The following ATG2A variants were observed in gnomAD, a reference collection of about 807,000 sequenced individuals.
ATG2A encodes autophagy related 2A.
In ATG2A, 103 loss-of-function variants were observed where a neutral mutation model predicts 214.2. The observed-to-expected ratio is 0.48, with a 90% CI of 0.41 to 0.57. ATG2A has a LOEUF of 0.57. Ranked by LOEUF, ATG2A falls within the 20% of genes least tolerant of loss-of-function variation. ATG2A has a pLI of 0.00. For synonymous variants in ATG2A, 1,160 were observed against 1,142.1 expected (o/e 1.02, Z -0.32); for missense variants, 2,312 against 2,613.2 (o/e 0.88, Z 2.51).
intron 13 of ATG2A, 39 bp downstream of exon 13, chr11:64,910,001 G>A: frequency 6.4e-7 from 1 of 1,562,392 alleles, no homozygotes. Flanking sequence ...CCCAGGCCCT[G>A]CACCCACCCC....
chr11:64,911,177 C>G lies in ATG2A; in HGVS notation c.1327G>C (p.Ala443Pro). The G allele has an allele frequency of 6.2e-7, 1 of 1,614,148 alleles. No individual in the cohort carries two copies. Among genetic ancestry groups the G allele is most frequent in the Non-Finnish European group, 8.5e-7 (1 of 1,180,034 alleles). The change falls in exon 10 of 41, where the codon GCC (alanine) becomes CCC (proline). Residue 443 changes from alanine to proline, a missense_variant. Transcript: ENST00000377264. ...AGGTCAGGTGGTCCGGAAGATGGGG[C>G]AGACGTCTGAAGCAAGGTCAGGGTC... is the stretch of plus-strand genomic sequence containing the variant. ...GVTLTLLQTS[A>P]PSSGPPDLAT... is the part of the protein sequence containing the mutation.
chr11:64,908,727 C>T (rs1318610398), intron 16 of ATG2A, among the ~76,000 whole-genome samples: 2 of 152,186 alleles, frequency 1.3e-5, no homozygotes, highest in Non-Finnish European at 2.9e-5. Flanking sequence ...TGCTGATCCA[C>T]GGGTCAGGTG....
rs1350519678 is a variant in ATG2A at position 64,907,372 on chromosome 11, C to T, written c.2715G>A (p.Gly905=). Residue 905 remains glycine (G), a synonymous_variant, in exon 19 of 41, where the codon GGG becomes GGA. Transcript: ENST00000377264. ...DDEDAHFFSV[G]ASGGPQAAAP... The stretch of plus-strand genomic sequence containing the variant: ...CAGCGGCCTGTGGGCCACCTGATGC[C>T]CCCACTGAGAAGAAGTGGGCATCCT... The T allele has an allele frequency of 1.9e-6, 3 of 1,563,330 alleles. No homozygotes were observed. The highest frequency in any genetic ancestry group is 2.4e-5 in the East Asian group (1 of 41,868).
At position 64,913,122 on chromosome 11, in the gene ATG2A, C is replaced by G; in HGVS notation, c.741G>C (p.Glu247Asp). Reference sequence around the variant, plus strand: ...AGCAGCTGCCGATCTGCAAGGGGGGCTCTGGAGGCTCTTCCTGGGAGACGG... The same window carrying G: ...AGCAGCTGCCGATCTGCAAGGGGGGGTCTGGAGGCTCTTCCTGGGAGACGG... ...EELPAQEEPP[E>D]PPLQIGSCSG... Residue 247 changes from glutamate (E) to aspartate (D), a missense_variant, in exon 6 of 41, where the codon GAG becomes GAC. Glu to Asp is a conservative substitution (Grantham distance 45). Coordinates refer to ENST00000377264, the MANE Select transcript of ATG2A (RefSeq NM_015104.3). This position sits in a 1 kb window ranked among gnomAD's most constrained non-coding sequence, Gnocchi z 4.3. The G allele has an allele frequency of 6.3e-7, 1 of 1,579,436 alleles. No homozygotes were observed. Among genetic ancestry groups the G allele is most frequent in the South Asian group, 1.1e-5 (1 of 87,260 alleles).
chr11:64,902,430 C>G (rs745813629), intron 27 of ATG2A, 44 bp from the exon 28 acceptor site: 9 of 1,530,306 alleles, frequency 5.9e-6, no homozygotes, highest in Non-Finnish European at 7.9e-6. Flanking sequence ...CAGGACAGAG[C>G]TCCCCCAACC....
Position 64,896,719 on chromosome 11 carries a change from T to A in ATG2A, c.5272+29A>T, listed in dbSNP as rs763153887. The A allele has an allele frequency of 7.4e-6, 12 of 1,612,484 alleles. No individual in the cohort carries two copies. In the South Asian group the frequency reaches 1.3e-4, roughly 18 times the overall value. ...TAGGTTGCCCAAGGGTAAAAGCAGT[T>A]TCGAGGGCTTCCAAACCTAGACACT... is the stretch of plus-strand genomic sequence containing the variant. On this transcript the variant is annotated intron_variant, in intron 38 of 40. Coordinates refer to ENST00000377264, the MANE Select transcript of ATG2A (RefSeq NM_015104.3).
chr11:64,913,031 G>A lies in ATG2A; in HGVS notation c.825+7C>T, dbSNP rs778091927. On this transcript the variant is annotated splice_region_variant and intron_variant, in intron 6 of 40. Transcript: ENST00000377264. The surrounding 1 kb of genome is among the most constrained non-coding windows in gnomAD (Gnocchi z 4.3). The stretch of plus-strand genomic sequence containing the variant: ...CTCACCCCCTCCCCAGGGGCCTGGG[G>A]ACCCACCTTGGGGCCAGGGAAGGCC... 18 of 1,544,270 alleles carry A rather than the reference G, an allele frequency of 1.2e-5. No homozygotes were observed. Among genetic ancestry groups the A allele is most frequent in the Non-Finnish European group, 2.6e-6 (3 of 1,144,660 alleles).
intron 18 of ATG2A, 33 bp downstream of exon 18, chr11:64,907,492 C>T (rs371470330): frequency 6.2e-7 from 1 of 1,611,822 alleles, no homozygotes; most frequent in Non-Finnish European, 8.5e-7. Flanking sequence ...CCTGGGGGTC[C>T]TCCCTCTAGC....
chr11:64,899,378 C>T (rs1013884409), intron 31 of ATG2A, among the ~76,000 whole-genome samples: 1 of 152,170 alleles, frequency 6.6e-6, no homozygotes, highest in African/African-American at 2.4e-5. Flanking sequence ...CTTCCTTCCC[C>T]CTCTTCCTGC....
At position 64,898,869 on chromosome 11, in the gene ATG2A, G is replaced by C; in HGVS notation, c.4465-27C>G. 2.5e-6 allele frequency: 4 copies of C among 1,593,696 alleles called. No homozygotes were observed. The highest frequency in any genetic ancestry group is 3.4e-6 in the Non-Finnish European group (4 of 1,172,664). On this transcript the variant is annotated intron_variant, in intron 31 of 40. Coordinates refer to ENST00000377264, the MANE Select transcript of ATG2A (RefSeq NM_015104.3). The surrounding 1 kb of genome is among the most constrained non-coding windows in gnomAD (Gnocchi z 4.5). ...TGTGGGGTGGACAGAGGCCTGGCCA[G>C]GTAAGCAGGGCCCCAAGAGGGAGGG...
chr11:64,904,596 A>T (rs1944473760), intron 24 of ATG2A, among the ~76,000 whole-genome samples: 1 of 151,902 alleles, frequency 6.6e-6, no homozygotes, highest in Non-Finnish European at 1.5e-5. Context: ...CATAATGAAA[A>T]CTCCTTTAAG....
In ATG2A at chr11:64,909,810, C is replaced by T; in HGVS notation, c.1978G>A (p.Ala660Thr). The T allele has an allele frequency of 6.2e-7, 1 of 1,611,636 alleles. No individual in the cohort carries two copies. Among genetic ancestry groups the T allele is most frequent in the Non-Finnish European group, 8.5e-7 (1 of 1,179,546 alleles). ...ADLRPEPDPW[A>T]GQAVRAEQLR... Reference sequence around the variant, plus strand: ...TGCTCAGCCCGCACGGCCTGGCCCGCCCAGGGGTCCGGCTCAGGCCGCAGG... The same window carrying T: ...TGCTCAGCCCGCACGGCCTGGCCCGTCCAGGGGTCCGGCTCAGGCCGCAGG... The change falls in exon 14 of 41, where the codon GCG (alanine) becomes ACG (threonine). Residue 660 changes from alanine to threonine, a missense_variant. Physicochemically the swap from Ala to Thr is moderately conservative, Grantham distance 58. Transcript: ENST00000377264.
rs373034339 is a variant in ATG2A at position 64,905,517 on chromosome 11, C to T, written c.3464+46G>A. 2.1e-4 allele frequency: 326 copies of T among 1,556,566 alleles called. 3 individuals are homozygous for T. Among genetic ancestry groups the T allele is most frequent in the South Asian group, 3.7e-4 (32 of 86,242 alleles). ...AGGACACACAGCTGGCAGGCAGCTTCGGCCCGGCGAGGGTGGGATGGCCCA... is the reference window on the plus strand; with the variant it reads ...AGGACACACAGCTGGCAGGCAGCTTTGGCCCGGCGAGGGTGGGATGGCCCA... On this transcript the variant is annotated intron_variant, in intron 24 of 40. Transcript: ENST00000377264.
chr11:64,911,274 G>A lies in ATG2A; in HGVS notation c.1230C>T (p.Gly410=), dbSNP rs748702129. ...RRLSAQAHPA[G]KMAPNPLLDT... Reference sequence around the variant, plus strand: ...CCAGGAGGGGGTTGGGGGCCATCTTGCCTGAGGGGACAGAGGCTTCAGCAG... The same window carrying A: ...CCAGGAGGGGGTTGGGGGCCATCTTACCTGAGGGGACAGAGGCTTCAGCAG... The change falls in exon 10 of 41, where the codon GGC becomes GGT. Residue 410 remains glycine, a splice_region_variant and synonymous_variant. Coordinates refer to ENST00000377264, the MANE Select transcript of ATG2A (RefSeq NM_015104.3). The A allele has an allele frequency of 6.2e-7, 1 of 1,613,374 alleles. No homozygotes were observed. Among genetic ancestry groups the A allele is most frequent in the African/African-American group, 1.3e-5 (1 of 75,060 alleles).
rs74954049 is a variant in ATG2A at position 64,913,670 on chromosome 11, G to A, written c.590+151C>T. On this transcript the variant is annotated intron_variant, in intron 4 of 40. Coordinates refer to ENST00000377264, the MANE Select transcript of ATG2A (RefSeq NM_015104.3). The surrounding 1 kb of genome is among the most constrained non-coding windows in gnomAD (Gnocchi z 4.3). ...CCTCTGGACACCAGTCCGGGCTCACGATGCAGCCCACCTCCCCAACCCTAC... is the reference window on the plus strand; with the variant it reads ...CCTCTGGACACCAGTCCGGGCTCACAATGCAGCCCACCTCCCCAACCCTAC... 36,169 of 858,184 alleles carry A rather than the reference G, an allele frequency of 0.042. 1,047 individuals are homozygous for A. Among genetic ancestry groups the A allele is most frequent in the Middle Eastern group, 0.078 (223 of 2,844 alleles). The allele number at this position is 858,184 out of a possible 1,614,324, so 53.2% of individuals were successfully genotyped here.
intron 38 of ATG2A, 23 bp downstream of exon 38, chr11:64,896,725 G>A (rs1165369448): frequency 1.2e-6 from 2 of 1,612,826 alleles, no homozygotes; most frequent in South Asian, 2.2e-5. Flanking sequence ...CAGTTTCGAG[G>A]GCTTCCAAAC....
rs779413206 is a variant in ATG2A, at chr11:64,913,377, C to T, written c.615G>A (p.Val205=). The part of the protein sequence containing the change: ...VQRLEYCDEA[V]RDPSQAPPVD... ...CCGGCGGCGCCTGGCTTGGGTCCCG[C>T]ACTGCCTCATCACAGTACTCCAGTC... The change falls in exon 5 of 41, where the codon GTG becomes GTA. Residue 205 remains valine (V), a synonymous_variant. Coordinates refer to ENST00000377264, the MANE Select transcript of ATG2A (RefSeq NM_015104.3). This position sits in a 1 kb window ranked among gnomAD's most constrained non-coding sequence, Gnocchi z 4.3. The T allele has an allele frequency of 1.3e-6, 2 of 1,596,514 alleles. No individual in the cohort carries two copies. The highest frequency in any genetic ancestry group is 1.7e-6 in the Non-Finnish European group (2 of 1,172,822).
rs1213277949 is a variant in ATG2A, at chr11:64,907,649, C to T, written c.2523G>A (p.Leu841=). 1.3e-6 allele frequency: 2 copies of T among 1,599,216 alleles called. No individual in the cohort carries two copies. The highest frequency in any genetic ancestry group is 2.2e-5 in the East Asian group (1 of 44,476). The change falls in exon 18 of 41, where the codon CTG becomes CTA. Residue 841 remains leucine (L), a synonymous_variant. Coordinates refer to ENST00000377264, the MANE Select transcript of ATG2A (RefSeq NM_015104.3). ...ESIYNRINND[L]LMWEPADLLP... ...GCAGATCTGCAGGCTCCCACATGAG[C>T]AGGTCGTTGTTGATCCTGAGATAGG...
rs1260901929 is a variant in ATG2A at position 64,897,983 on chromosome 11, G to A, written c.4859-9C>T. The A allele has an allele frequency of 6.4e-7, 1 of 1,564,686 alleles. No individual in the cohort carries two copies. The highest frequency in any genetic ancestry group is 8.6e-7 in the Non-Finnish European group (1 of 1,158,102). On this transcript the variant is annotated splice_polypyrimidine_tract_variant and intron_variant, in intron 34 of 40. Coordinates refer to ENST00000377264, the MANE Select transcript of ATG2A (RefSeq NM_015104.3). ...TCGAGTCTCGGGGCGAGCTAGGGGA[G>A]GGGAGGTCACAGACTGGGGATGGGG...
Sources: gnomAD v4.1 joint callset for allele counts (sites outside exome capture counted in the v4.1 genomes callset) on GRCh38, gnomAD v4.1.1 for gene constraint, Gnocchi (gnomAD v3.1) non-coding constraint, MANE v1.5 for transcripts, NCBI Gene and HGNC (gene_info 2026-07-23, HGNC 2026-07-21) for gene names.